Variants in WSCD2 observed in about 807,000 individuals in gnomAD.
The protein encoded by WSCD2 is sialate:O-sulfotransferase 2.
WSCD2 carries 28 observed loss-of-function variants against 55.7 expected under a neutral mutation model. That is an observed-to-expected ratio of 0.50 (90% CI 0.37 to 0.69). WSCD2 has a LOEUF of 0.69. WSCD2 is among the 30% of genes least tolerant of loss of function. WSCD2 has a pLI of 0.00. For missense variants in WSCD2, 616 were observed against 762.1 expected (o/e 0.81, Z 2.26); for synonymous variants, 301 against 301.9 (o/e 1.00, Z 0.03).
chr12:108,247,241 T>C (rs933541313), intron 8 of WSCD2, among the ~76,000 whole-genome samples: 2 of 151,828 alleles, frequency 1.3e-5, no homozygotes, highest in Non-Finnish European at 2.9e-5. Flanking sequence ...GTGATACCTC[T>C]TAAGGTTGTT....
intron 2 of WSCD2, among the ~76,000 whole-genome samples, chr12:108,201,014 C>T (rs1169643242): frequency 6.6e-6 from 1 of 152,194 alleles, no homozygotes; most frequent in Non-Finnish European, 1.5e-5. Flanking sequence ...TGTGCCAGAC[C>T]CTGTGATAGG....
In WSCD2 at chr12:108,224,874, G is replaced by A; in HGVS notation, c.804+14G>A. 1 of 1,610,626 alleles carries A rather than the reference G, an allele frequency of 6.2e-7. No homozygotes were observed. The highest frequency in any genetic ancestry group is 1.1e-5 in the South Asian group (1 of 90,738). ...TGCACTGAGAAGGTGAGCACAAGGT[G>A]GGGCCCATGGAACTCAGGGGGAGGG... On this transcript the variant is annotated intron_variant, in intron 5 of 8. Coordinates refer to ENST00000547525, the MANE Select transcript of WSCD2 (RefSeq NM_014653.4).
chr12:108,201,695 T>G (rs1334309542), intron 2 of WSCD2, among the ~76,000 whole-genome samples: 1 of 152,200 alleles, frequency 6.6e-6, no homozygotes. Context: ...CAGTACAGCA[T>G]GAGGCCTCCT....
At chr12:108,211,633 A>ATATATATATG (rs1491078999) in intron 4 of WSCD2, among the ~76,000 whole-genome samples, 314 of 23,738 alleles carry the variant, frequency 0.013, 3 homozygotes, top group African/African-American at 0.022. Flanking sequence ...CAAATCCCAT[A>ATATATATATG]TATATATATA....
intron 1 of WSCD2, among the ~76,000 whole-genome samples, chr12:108,143,029 G>A (rs930793104): frequency 6.6e-6 from 1 of 152,168 alleles, no homozygotes; most frequent in Non-Finnish European, 1.5e-5. Context: ...ACACAGGCTG[G>A]TCTCAAACTC....
intron 1 of WSCD2, among the ~76,000 whole-genome samples, chr12:108,178,868 C>G (rs553418072): frequency 1.5e-4 from 23 of 152,288 alleles, no homozygotes; most frequent in African/African-American, 5.3e-4. Flanking sequence ...CAACCGCCTA[C>G]GTAGAAAACA....
chr12:108,174,920 G>A (rs979859676), intron 1 of WSCD2, among the ~76,000 whole-genome samples: 2 of 152,164 alleles, frequency 1.3e-5, no homozygotes, highest in African/African-American at 2.4e-5. Context: ...ACCATGCTCC[G>A]CCTCCTTGAG....
intron 1 of WSCD2, among the ~76,000 whole-genome samples, chr12:108,152,112 G>A (rs1273350135): frequency 6.6e-6 from 1 of 152,208 alleles, no homozygotes; most frequent in Non-Finnish European, 1.5e-5. Flanking sequence ...GAAACGCTCA[G>A]AGGAAACCCG....
chr12:108,178,281 G>A (rs1178754637), intron 1 of WSCD2, among the ~76,000 whole-genome samples: 1 of 152,068 alleles, frequency 6.6e-6, no homozygotes, highest in Non-Finnish European at 1.5e-5. Context: ...CCTTTTGTAA[G>A]GACACTTATG....
chr12:108,164,835 C>T (rs1395337352), intron 1 of WSCD2, among the ~76,000 whole-genome samples: 1 of 152,136 alleles, frequency 6.6e-6, no homozygotes, highest in African/African-American at 2.4e-5. Flanking sequence ...TCCTCACATC[C>T]CAGTCCAGGA....
At chr12:108,135,146 G>GTCCA (rs879662718) in intron 1 of WSCD2, among the ~76,000 whole-genome samples, 15 of 149,418 alleles carry the variant, frequency 1.0e-4, no homozygotes, top group African/African-American at 1.3e-4. Context: ...CCGTCCATCC[G>GTCCA]TCCATCCATC....
At chr12:108,152,761 A>C (rs541344219) in intron 1 of WSCD2, among the ~76,000 whole-genome samples, 42 of 152,212 alleles carry the variant, frequency 2.8e-4, no homozygotes, top group African/African-American at 9.9e-4. Flanking sequence ...AGATCCCTAA[A>C]CTCAGGCAAG....
At chr12:108,184,704 G>C (rs1882236514) in intron 1 of WSCD2, among the ~76,000 whole-genome samples, 1 of 152,208 alleles carries the variant, frequency 6.6e-6, no homozygotes, top group Non-Finnish European at 1.5e-5. Context: ...AGGGCCCTTT[G>C]AACTCTAGGA....
chr12:108,171,494 A>T (rs1880242888), intron 1 of WSCD2, among the ~76,000 whole-genome samples: 1 of 152,252 alleles, frequency 6.6e-6, no homozygotes. Flanking sequence ...TTTGTATGAA[A>T]AAAAGAATGT....
chr12:108,176,695 G>A (rs1350455906), intron 1 of WSCD2, among the ~76,000 whole-genome samples: 1 of 152,198 alleles, frequency 6.6e-6, no homozygotes, highest in Non-Finnish European at 1.5e-5. Flanking sequence ...TTAAGAAATG[G>A]TCAAACTGTT....
chr12:108,180,986 G>T (rs1881655607), intron 1 of WSCD2, among the ~76,000 whole-genome samples: 1 of 152,236 alleles, frequency 6.6e-6, no homozygotes. Context: ...ATGTCACCCA[G>T]GACACCCAGC....
rs562853139 is a variant in WSCD2 at position 108,246,816 on chromosome 12, G to A, written c.1346-1175G>A. Among the ~76,000 whole-genome samples the A allele has an allele frequency of 2.0e-5, 3 of 152,226 alleles. No individual in the cohort carries two copies. The East Asian group carries it at 5.8e-4, about 29-fold the overall frequency. On this transcript the variant is annotated intron_variant, in intron 8 of 8. Transcript: ENST00000547525. The stretch of plus-strand genomic sequence containing the variant: ...TGCTGGGGAGACAGACTACAGAAGT[G>A]GGGGGTTTCTGCACAGCATAATGAG...
At chr12:108,207,058 A>G (rs1885481507) in intron 3 of WSCD2, among the ~76,000 whole-genome samples, 1 of 152,074 alleles carries the variant, frequency 6.6e-6, no homozygotes, top group African/African-American at 2.4e-5. Context: ...GAAGACAACG[A>G]TGATTTTTAT....
chr12:108,204,010 G>C (rs1044351678), intron 2 of WSCD2, among the ~76,000 whole-genome samples: 14 of 152,220 alleles, frequency 9.2e-5, no homozygotes, highest in Non-Finnish European at 2.1e-4. Context: ...GTAGTTACCA[G>C]TCAGAACATA....
Sources: allele counts gnomAD v4.1 joint callset (sites outside exome capture counted in the v4.1 genomes callset), GRCh38; gene constraint gnomAD v4.1.1; transcripts MANE v1.5; gene names NCBI Gene and HGNC (gene_info 2026-07-23, HGNC 2026-07-21).